NEDD4L: variants seen among roughly 807,000 people sequenced by gnomAD.
NEDD4L encodes the protein E3 ubiquitin-protein ligase NEDD4-like.
NEDD4L carries 54 observed loss-of-function variants against 148.9 expected under a neutral mutation model. That is an observed-to-expected ratio of 0.36 (90% CI 0.29 to 0.45). The LOEUF is 0.45. Ranked by LOEUF, NEDD4L falls within the 20% of genes least tolerant of loss-of-function variation. NEDD4L has a pLI of 1.00. For missense variants in NEDD4L, 856 were observed against 1,233.8 expected (o/e 0.69, Z 4.59); for synonymous variants, 433 against 440.7 (o/e 0.98, Z 0.22).
intron 5 of NEDD4L, among the ~76,000 whole-genome samples, chr18:58,253,114 T>A (rs2048118233): frequency 1.3e-5 from 2 of 152,206 alleles, no homozygotes; most frequent in South Asian, 4.1e-4. Flanking sequence ...GAATCCTTTC[T>A]GCAGTATTCA....
At chr18:58,220,534 T>A (rs73452689) in intron 2 of NEDD4L, among the ~76,000 whole-genome samples, 4,489 of 152,258 alleles carry the variant, frequency 0.029, 176 homozygotes, top group African/African-American at 0.091. Context: ...GGTGATCCGT[T>A]CATCTTCCCC....
intron 22 of NEDD4L, among the ~76,000 whole-genome samples, chr18:58,369,788 G>C (rs568381366): frequency 6.6e-6 from 1 of 152,310 alleles, no homozygotes; most frequent in Admixed American, 6.5e-5. Flanking sequence ...CCTCGCTGCT[G>C]TTGCCTCCCT....
chr18:58,312,669 A>T (rs920006883), intron 5 of NEDD4L, among the ~76,000 whole-genome samples: 5 of 149,454 alleles, frequency 3.3e-5, no homozygotes, highest in Admixed American at 3.3e-4. Flanking sequence ...GGTTGAAGAC[A>T]TTTTTTGTTT....
intron 1 of NEDD4L, among the ~76,000 whole-genome samples, chr18:58,115,724 T>G (rs1022871994): frequency 4.6e-5 from 7 of 152,286 alleles, no homozygotes; most frequent in African/African-American, 1.4e-4. Context: ...GGCAATGCCG[T>G]GGGGACACTT....
In NEDD4L at chr18:58,097,702, C is replaced by T. The variant is rs531776746; in HGVS notation, c.48+52994C>T. ...ATGCCAGCCTGGTGTAGTTGCATGCCGGAGGGGACTTAAAGGAAACAGTGA... is the reference window on the plus strand; with the variant it reads ...ATGCCAGCCTGGTGTAGTTGCATGCTGGAGGGGACTTAAAGGAAACAGTGA... On this transcript the variant is annotated intron_variant, in intron 1 of 30. Coordinates refer to ENST00000400345, the MANE Select transcript of NEDD4L (RefSeq NM_001144967.3). Among the ~76,000 whole-genome samples, 23 of 152,108 alleles carry T rather than the reference C, an allele frequency of 1.5e-4. No homozygotes were observed. The South Asian group carries it at 1.9e-3, about 12-fold the overall frequency.
intron 30 of NEDD4L, among the ~76,000 whole-genome samples, chr18:58,395,133 C>T (rs188794857): frequency 3.3e-4 from 51 of 152,284 alleles, no homozygotes; most frequent in Admixed American, 1.8e-3. Flanking sequence ...GCTGATGGGG[C>T]ATGGTGAGCA....
At chr18:58,274,097 C>A (rs1339296155) in intron 5 of NEDD4L, among the ~76,000 whole-genome samples, 3 of 152,032 alleles carry the variant, frequency 2.0e-5, no homozygotes, top group African/African-American at 4.8e-5. Flanking sequence ...CACCTAAAGG[C>A]CCTGAAGTGA....
At chr18:58,224,204 A>G (rs1292335898) in intron 2 of NEDD4L, among the ~76,000 whole-genome samples, 1 of 152,238 alleles carries the variant, frequency 6.6e-6, no homozygotes, top group Non-Finnish European at 1.5e-5. Flanking sequence ...AGAGGATCAC[A>G]TGCAATTATA....
Position 58,316,036 on chromosome 18 carries a change from A to G in NEDD4L, c.348+4A>G. On this transcript the variant is annotated splice_donor_region_variant and intron_variant, in intron 6 of 30. Transcript: ENST00000400345. ...CGTGCCCCTTAGTCACCTTCCGGTA[A>G]GGACAGTCTCATGTTTGATGCTTCG... 2 of 1,612,166 alleles carry G rather than the reference A, an allele frequency of 1.2e-6. No individual in the cohort carries two copies. The highest frequency in any genetic ancestry group is 1.7e-6 in the Non-Finnish European group (2 of 1,178,228).
At chr18:58,149,572 A>G in intron 1 of NEDD4L, 1 of 1,527,416 alleles carries the variant, frequency 6.5e-7, no homozygotes, top group Non-Finnish European at 8.9e-7. Context: ...AACACTCGGT[A>G]AGACTTTGCT....
At chr18:58,058,177 G>A (rs888754539) in intron 1 of NEDD4L, among the ~76,000 whole-genome samples, 1 of 152,088 alleles carries the variant, frequency 6.6e-6, no homozygotes, top group African/African-American at 2.4e-5. Flanking sequence ...GTGGTGGCAC[G>A]CACCTGTAAT....
rs1014239451 is a variant in NEDD4L at position 58,337,123 on chromosome 18, G to A, written c.1125+1586G>A. ...AGGACAAGGTGACCCCTCTGAATGA[G>A]ATCCCGGGTGGCACGTTAGACTGCC... On this transcript the variant is annotated intron_variant, in intron 13 of 30. Transcript: ENST00000400345. Among the ~76,000 whole-genome samples the A allele has an allele frequency of 1.7e-4, 26 of 152,134 alleles. 1 individual carries two copies. Among genetic ancestry groups the A allele is most frequent in the African/African-American group, 6.3e-4 (26 of 41,432 alleles).
chr18:58,141,910 ACAAC>A (rs904307447), intron 1 of NEDD4L, among the ~76,000 whole-genome samples: 1 of 152,152 alleles, frequency 6.6e-6, no homozygotes, highest in African/African-American at 2.4e-5. Context: ...AGCTGTGAAA[ACAAC>A]GCTGTTTTGT....
intron 1 of NEDD4L, among the ~76,000 whole-genome samples, chr18:58,098,994 G>A (rs1248737826): frequency 2.6e-5 from 4 of 152,140 alleles, no homozygotes; most frequent in Admixed American, 1.3e-4. Context: ...TTGTCATGAC[G>A]AGTTTTACTT....
At chr18:58,126,308 CT>C (rs2031081685) in intron 1 of NEDD4L, among the ~76,000 whole-genome samples, 1 of 152,208 alleles carries the variant, frequency 6.6e-6, no homozygotes, top group African/African-American at 2.4e-5. Context: ...CCCTGTTCCC[CT>C]GAGCCCCTGG....
intron 1 of NEDD4L, among the ~76,000 whole-genome samples, chr18:58,144,074 C>T (rs1353892516): frequency 6.7e-6 from 1 of 149,046 alleles, no homozygotes; most frequent in Non-Finnish European, 1.5e-5. Context: ...TTCTGCCACA[C>T]ACATTACTTC....
intron 1 of NEDD4L, among the ~76,000 whole-genome samples, chr18:58,049,974 T>A (rs2081784395): frequency 2.4e-5 from 1 of 42,500 alleles, no homozygotes; most frequent in Non-Finnish European, 4.2e-5. Context: ...AGACCCTGTC[T>A]CCAAAAAAAA....
At position 58,134,572 on chromosome 18, in the gene NEDD4L, C is replaced by T. The variant is rs1297506615; in HGVS notation, c.49-31216C>T. 1.9e-4 allele frequency among the ~76,000 whole-genome samples: 6 copies of T among 30,816 alleles called. 3 individuals carry two copies. The highest frequency in any genetic ancestry group is 5.9e-4 in the African/African-American group (4 of 6,836). The allele number at this position is 30,816 out of a possible 152,430, so 20.2% of individuals were successfully genotyped here. On this transcript the variant is annotated intron_variant, in intron 1 of 30. Coordinates refer to ENST00000400345, the MANE Select transcript of NEDD4L (RefSeq NM_001144967.3). ...TATTTTTAGTAGAGACGGGGTTTCACCGTTTTAGCCGGGATGGTCTCGATC... is the reference window on the plus strand; with the variant it reads ...TATTTTTAGTAGAGACGGGGTTTCATCGTTTTAGCCGGGATGGTCTCGATC...
At position 58,094,281 on chromosome 18, in the gene NEDD4L, C is replaced by A. The variant is rs542432573; in HGVS notation, c.48+49573C>A. On this transcript the variant is annotated intron_variant, in intron 1 of 30. Coordinates refer to ENST00000400345, the MANE Select transcript of NEDD4L (RefSeq NM_001144967.3). The stretch of plus-strand genomic sequence containing the variant: ...CTTATTGCAGGCTTGACCTCCTGGG[C>A]TCATATGATCCTCTTGCCACAGCCT... Among the ~76,000 whole-genome samples, 6 of 151,790 alleles carry A rather than the reference C, an allele frequency of 4.0e-5. No individual in the cohort carries two copies. The South Asian group carries it at 1.3e-3, about 32-fold the overall frequency.
Sources: allele counts gnomAD v4.1 joint callset (sites outside exome capture counted in the v4.1 genomes callset), GRCh38; gene constraint gnomAD v4.1.1; transcripts MANE v1.5; gene names NCBI Gene and HGNC (gene_info 2026-07-23, HGNC 2026-07-21).